RNF180: variants seen among roughly 807,000 people sequenced by gnomAD.
RNF180 encodes E3 ubiquitin-protein ligase RNF180.
Under a neutral mutation model 59.2 loss-of-function variants are expected in RNF180, and 38 were observed. That is an observed-to-expected ratio of 0.64 (90% CI 0.50 to 0.84). The LOEUF (loss-of-function observed/expected upper bound fraction) is 0.84. RNF180 is among the 40% of genes least tolerant of loss of function. The pLI, the probability that RNF180 is intolerant of heterozygous loss-of-function variation, is 0.00. For missense variants in RNF180, 705 were observed against 700.9 expected (o/e 1.01, Z -0.07); for synonymous variants, 262 against 240.3 (o/e 1.09, Z -0.84).
At chr5:64,261,310 G>A (rs187638965) in intron 5 of RNF180, among the ~76,000 whole-genome samples, 49 of 152,216 alleles carry the variant, frequency 3.2e-4, no homozygotes, top group African/African-American at 1.1e-3. Context: ...GCAAATTCAT[G>A]TCAACCTAAC....
intron 5 of RNF180, among the ~76,000 whole-genome samples, chr5:64,312,008 C>G (rs1489743186): frequency 6.6e-6 from 1 of 151,904 alleles, no homozygotes; most frequent in Non-Finnish European, 1.5e-5. Flanking sequence ...TTGCAGCTGC[C>G]AGAGCCATTT....
At chr5:64,174,758 G>A (rs894228880) in intron 1 of RNF180, among the ~76,000 whole-genome samples, 4 of 152,028 alleles carry the variant, frequency 2.6e-5, no homozygotes, top group South Asian at 2.1e-4. Context: ...TCTGTTTATC[G>A]ATTGTGTCCT....
At chr5:64,265,047 G>A (rs1409180366) in intron 5 of RNF180, among the ~76,000 whole-genome samples, 1 of 152,074 alleles carries the variant, frequency 6.6e-6, no homozygotes, top group Non-Finnish European at 1.5e-5. Flanking sequence ...TTCTGTTCAT[G>A]TCCTTCGCAT....
At chr5:64,348,949 C>T (rs961910491) in intron 7 of RNF180, among the ~76,000 whole-genome samples, 2 of 151,990 alleles carry the variant, frequency 1.3e-5, no homozygotes, top group African/African-American at 2.4e-5. Context: ...ATCTAACAAG[C>T]GAGGTTCATC....
In RNF180 at chr5:64,214,285, A is replaced by G. The variant is rs755891337; in HGVS notation, c.959A>G (p.Tyr320Cys). Reference sequence around the variant, plus strand: ...TGTGGTCTAGAAGCTGCTTCAGTGTATTCTGACCATACTAATACTAACAAT... The same window carrying G: ...TGTGGTCTAGAAGCTGCTTCAGTGTGTTCTGACCATACTAATACTAACAAT... ...FQCGLEAASV[Y>C]SDHTNTNNLT... The change falls in exon 4 of 8, where the codon TAT becomes TGT. Residue 320 changes from tyrosine to cysteine, a missense_variant. Physicochemically the swap from Tyr to Cys is radical, Grantham distance 194. Coordinates refer to ENST00000389100, the MANE Select transcript of RNF180 (RefSeq NM_001113561.2). 3.7e-6 allele frequency: 6 copies of G among 1,614,076 alleles called. No individual in the cohort carries two copies. The highest frequency in any genetic ancestry group is 5.1e-6 in the Non-Finnish European group (6 of 1,180,002).
chr5:64,322,840 G>T (rs984757006), intron 5 of RNF180, among the ~76,000 whole-genome samples: 1 of 152,068 alleles, frequency 6.6e-6, no homozygotes, highest in African/African-American at 2.4e-5. Context: ...GGACCCAGGG[G>T]GAAAGGGGGA....
intron 7 of RNF180, among the ~76,000 whole-genome samples, chr5:64,335,419 A>G (rs1033424121): frequency 3.9e-5 from 6 of 152,014 alleles, no homozygotes; most frequent in Middle Eastern, 3.4e-3. Flanking sequence ...GTATTTTTCA[A>G]ATAATTTGAA....
At chr5:64,360,460 G>T (rs1419591745) in intron 7 of RNF180, among the ~76,000 whole-genome samples, 3 of 151,652 alleles carry the variant, frequency 2.0e-5, no homozygotes, top group Non-Finnish European at 4.4e-5. Flanking sequence ...CATACTGAAT[G>T]GGCAAAAACT....
At chr5:64,310,847 C>A (rs1166997494) in intron 5 of RNF180, among the ~76,000 whole-genome samples, 5 of 151,888 alleles carry the variant, frequency 3.3e-5, no homozygotes, top group African/African-American at 1.2e-4. Context: ...GCGCATCTCA[C>A]TTCTGCTTAC....
At chr5:64,234,745 G>A (rs2921574) in intron 5 of RNF180, among the ~76,000 whole-genome samples, 15,481 of 150,350 alleles carry the variant, frequency 0.1, 955 homozygotes, top group Middle Eastern at 0.15. Flanking sequence ...GACTACAGGC[G>A]CCCGCCACCA....
At chr5:64,360,920 A>C (rs1224695974) in intron 7 of RNF180, among the ~76,000 whole-genome samples, 3 of 151,628 alleles carry the variant, frequency 2.0e-5, no homozygotes, top group Non-Finnish European at 4.4e-5. Flanking sequence ...ACAAAACTCA[A>C]ATCTTTTATA....
intron 5 of RNF180, among the ~76,000 whole-genome samples, chr5:64,244,309 T>C (rs1561213532): frequency 1.3e-5 from 2 of 151,896 alleles, no homozygotes; most frequent in African/African-American, 2.4e-5. Flanking sequence ...TAAAGGAGCA[T>C]ATTCTAACCC....
intron 5 of RNF180, among the ~76,000 whole-genome samples, chr5:64,260,264 T>C (rs140507100): frequency 1.3e-5 from 2 of 152,296 alleles, no homozygotes; most frequent in East Asian, 3.9e-4. Flanking sequence ...ATTTACATCA[T>C]CATTTTCAGT....
chr5:64,190,118 C>G (rs1751066771), intron 1 of RNF180, among the ~76,000 whole-genome samples: 1 of 152,078 alleles, frequency 6.6e-6, no homozygotes, highest in Non-Finnish European at 1.5e-5. Context: ...GGCTGCCACC[C>G]AGAGCCAAGG....
At chr5:64,274,557 T>C (rs950157554) in intron 5 of RNF180, among the ~76,000 whole-genome samples, 2 of 152,044 alleles carry the variant, frequency 1.3e-5, no homozygotes, top group African/African-American at 4.8e-5. Context: ...GTTTTGTGTT[T>C]GATTTTCTGT....
chr5:64,343,163 T>A (rs1171490327), intron 7 of RNF180, among the ~76,000 whole-genome samples: 1 of 152,030 alleles, frequency 6.6e-6, no homozygotes, highest in Non-Finnish European at 1.5e-5. Flanking sequence ...GAAACACATC[T>A]CCTCTTTGAT....
intron 5 of RNF180, among the ~76,000 whole-genome samples, chr5:64,270,502 T>G (rs561101247): frequency 1.1e-4 from 17 of 152,282 alleles, no homozygotes; most frequent in African/African-American, 4.1e-4. Flanking sequence ...ATTTATTTTA[T>G]GTGCTCATGT....
chr5:64,214,788 A>G (rs1752527752), intron 4 of RNF180, among the ~76,000 whole-genome samples: 1 of 152,222 alleles, frequency 6.6e-6, no homozygotes, highest in Non-Finnish European at 1.5e-5. Context: ...ATCTCTAATT[A>G]ACACTGGATT....
chr5:64,220,106 T>G (rs1252025010), intron 5 of RNF180, among the ~76,000 whole-genome samples: 1 of 152,182 alleles, frequency 6.6e-6, no homozygotes, highest in Non-Finnish European at 1.5e-5. Context: ...TAATGATGGC[T>G]TCTCTCCTTT....
Sources: gnomAD v4.1 joint callset for allele counts (sites outside exome capture counted in the v4.1 genomes callset) on GRCh38, gnomAD v4.1.1 for gene constraint, MANE v1.5 for transcripts, NCBI Gene and HGNC (gene_info 2026-07-23, HGNC 2026-07-21) for gene names.